The following BBOF1 variants were observed in gnomAD, a reference collection of about 807,000 sequenced individuals.
BBOF1 encodes basal body orientation factor 1, also known as basal body-orientation factor 1.
In BBOF1, 62 loss-of-function variants were observed where a neutral mutation model predicts 68.0. The ratio of observed to expected loss-of-function variants is 0.91; its 90% CI spans 0.74 to 1.13. BBOF1 has a LOEUF of 1.13. BBOF1 is among the 50% of genes most tolerant of loss of function. The pLI, the probability that BBOF1 is intolerant of heterozygous loss-of-function variation, is 0.00. For synonymous variants in BBOF1, 208 were observed against 198.8 expected (o/e 1.05, Z -0.39); for missense variants, 534 against 600.1 (o/e 0.89, Z 1.15).
chr14:74,042,479 C>G (rs1003704016), intron 5 of BBOF1, among the ~76,000 whole-genome samples: 5 of 152,204 alleles, frequency 3.3e-5, no homozygotes, highest in Admixed American at 3.3e-4. Context: ...TATATGAGAG[C>G]AGATGGCTGC....
At chr14:74,069,308 T>G, downstream of BBOF1, 4 of 342,244 alleles carry the variant, frequency 1.2e-5, no homozygotes, top group South Asian at 9.4e-5. Context: ...TTCACAATCT[T>G]GGCCAGGCTG....
In BBOF1 at chr14:74,072,667, T is replaced by G; in HGVS notation, n.1380-5529T>G. ...CAAAAACATGAAACTTTGTATTAGC[T>G]AATTGCTTTGCTTTTCCCTTTCCCT... On this transcript the variant is annotated intron_variant and non_coding_transcript_variant, in intron 9 of 12. Transcript: ENST00000492026. The G allele has an allele frequency of 9.5e-6, 15 of 1,582,658 alleles. No homozygotes were observed. In the South Asian group the frequency reaches 1.7e-4, roughly 18 times the overall value.
intron 9 of BBOF1, chr14:74,071,847 A>G (rs1280078890): frequency 6.3e-7 from 1 of 1,591,736 alleles, no homozygotes; most frequent in Non-Finnish European, 8.6e-7. Context: ...TTTGCCTCCC[A>G]TCTTCCTTTG....
At chr14:74,078,395 C>G in intron 10 of BBOF1, 1 of 362,738 alleles carries the variant, frequency 2.8e-6, no homozygotes, top group African/African-American at 2.1e-5. Context: ...GTCCTGTCTC[C>G]TAGGCTGGAA....
At chr14:74,061,221 G>A (rs1481755705) in intron 11 of BBOF1, among the ~76,000 whole-genome samples, 2 of 152,040 alleles carry the variant, frequency 1.3e-5, no homozygotes, top group African/African-American at 2.4e-5. Flanking sequence ...CAAGTGATCC[G>A]CCTTCCTCGG....
chr14:74,023,360 G>C (rs1372069280), intron 2 of BBOF1, among the ~76,000 whole-genome samples: 4 of 151,946 alleles, frequency 2.6e-5, no homozygotes, highest in Non-Finnish European at 4.4e-5. Context: ...ATGTTTTCTT[G>C]TCTGAAGCAA....
intron 7 of BBOF1, chr14:74,048,587 C>G (rs1460083769): frequency 6.6e-6 from 1 of 152,170 alleles, no homozygotes. Context: ...GGAGCTCTAA[C>G]CATTCCTTTA....
At position 74,065,128 on chromosome 14, in the gene BBOF1, C is replaced by G. The variant is rs2060439341; in HGVS notation, c.*429C>G. 14 of 1,588,704 alleles carry G rather than the reference C, an allele frequency of 8.8e-6. No homozygotes were observed. The East Asian group carries it at 3.1e-4, about 36-fold the overall frequency. On this transcript the variant is annotated 3_prime_UTR_variant, in exon 12 of 12. Transcript: ENST00000394009. ...GACTCACCATTATTTACTGTTTCCT[C>G]TTAGGAAATAGTAAATGGATATAAG...
intron 4 of BBOF1, among the ~76,000 whole-genome samples, chr14:74,037,856 G>A (rs2059744466): frequency 6.6e-6 from 1 of 151,838 alleles, no homozygotes; most frequent in African/African-American, 2.4e-5. Context: ...TCGGGAGGCT[G>A]AGGCAGGAGA....
chr14:74,043,731 C>G (rs1339420946), intron 5 of BBOF1, among the ~76,000 whole-genome samples: 1 of 149,414 alleles, frequency 6.7e-6, no homozygotes, highest in Admixed American at 6.7e-5. Context: ...CAGGGTTTCA[C>G]CATGTTGACC....
At chr14:74,073,336 C>A (rs2060575302) in intron 9 of BBOF1, among the ~76,000 whole-genome samples, 1 of 151,950 alleles carries the variant, frequency 6.6e-6, no homozygotes, top group Non-Finnish European at 1.5e-5. Flanking sequence ...AACTCCTGGG[C>A]TCAAGTGATC....
chr14:74,019,797 G>C (rs974351275), intron 1 of BBOF1, among the ~76,000 whole-genome samples: 3 of 152,278 alleles, frequency 2.0e-5, no homozygotes, highest in Admixed American at 6.5e-5. Flanking sequence ...GACACCTAAA[G>C]TATTTTACCA....
At chr14:74,068,781 G>T, downstream of BBOF1, 1 of 1,507,660 alleles carries the variant, frequency 6.6e-7, no homozygotes, top group Non-Finnish European at 9.2e-7. Context: ...GGGATGAGTG[G>T]CCTCTCTGCT....
chr14:74,034,239 A>G (rs535204883), intron 4 of BBOF1, 68 bp downstream of exon 4: 10 of 1,018,272 alleles, frequency 9.8e-6, no homozygotes, highest in Middle Eastern at 2.3e-4. Context: ...AGAAGCCTTC[A>G]CAAACATTTA....
intron 3 of BBOF1, 46 bp downstream of exon 3, chr14:74,029,295 G>T (rs1595020918): frequency 1.6e-6 from 2 of 1,273,160 alleles, no homozygotes; most frequent in Non-Finnish European, 2.2e-6. Flanking sequence ...GGATGGTCAG[G>T]TTTCTGGCAA....
intron 8 of BBOF1, among the ~76,000 whole-genome samples, chr14:74,054,676 C>CCCTTTTT (rs1491402599): frequency 8.3e-6 from 1 of 120,312 alleles, no homozygotes; most frequent in African/African-American, 3.1e-5. Context: ...CGCACCCAGG[C>CCCTTTTT]TCTTTTTTTT....
chr14:74,020,803 C>T (rs928341650), intron 1 of BBOF1, among the ~76,000 whole-genome samples: 13 of 152,276 alleles, frequency 8.5e-5, no homozygotes, highest in Admixed American at 1.3e-4. Flanking sequence ...CATGCCCTGT[C>T]GCATCAAGTA....
chr14:74,072,249 C>T (rs780889448), intron 9 of BBOF1: 28 of 1,614,082 alleles, frequency 1.7e-5, no homozygotes, highest in Non-Finnish European at 2.1e-5. Flanking sequence ...GACCTGCTGG[C>T]GGCTTAATAC....
intron 10 of BBOF1, among the ~76,000 whole-genome samples, chr14:74,080,264 C>G (rs2060657344): frequency 1.3e-5 from 2 of 152,084 alleles, no homozygotes; most frequent in Non-Finnish European, 2.9e-5. Flanking sequence ...TCACTCACCT[C>G]TAGCTGTCCT....
Sources: allele counts gnomAD v4.1 joint callset (sites outside exome capture counted in the v4.1 genomes callset), GRCh38; gene constraint gnomAD v4.1.1; transcripts MANE v1.5; gene names NCBI Gene and HGNC (gene_info 2026-07-23, HGNC 2026-07-21).